FAM178B: variants seen among roughly 807,000 people sequenced by gnomAD.
FAM178B encodes family with sequence similarity 178 member B.
Under a neutral mutation model 91.7 loss-of-function variants are expected in FAM178B, and 82 were observed. That is an observed-to-expected ratio of 0.89 (90% confidence interval 0.75 to 1.07). The LOEUF (loss-of-function observed/expected upper bound fraction) is 1.07. FAM178B is among the 50% of genes least tolerant of loss of function. The probability of loss-of-function intolerance (pLI) is 0.00; values close to 1 mark genes in which losing one functional copy is unlikely to be tolerated. For missense variants in FAM178B, 769 were observed against 846.7 expected (o/e 0.91, Z 1.14); for synonymous variants, 368 against 359.4 (o/e 1.02, Z -0.27).
intron 4 of FAM178B, 147 bp from the exon 5 acceptor site, chr2:96,967,774 G>T (rs1375205061): frequency 1.6e-6 from 1 of 608,294 alleles, no homozygotes. Flanking sequence ...CGCTCACACA[G>T]ATTTTTAAGG....
intron 1 of FAM178B, among the ~76,000 whole-genome samples, chr2:96,973,604 A>G (rs1233166627): frequency 6.6e-6 from 1 of 152,232 alleles, no homozygotes; most frequent in Non-Finnish European, 1.5e-5. Context: ...AGGAAATCGC[A>G]GTTTACAAAA....
intron 12 of FAM178B, among the ~76,000 whole-genome samples, chr2:96,903,601 G>T (rs917362887): frequency 6.6e-6 from 1 of 152,238 alleles, no homozygotes; most frequent in South Asian, 2.1e-4. Flanking sequence ...TTCCAGCAGG[G>T]CCGCCACTAC....
At chr2:96,923,117 C>T (rs775099925) in intron 10 of FAM178B, among the ~76,000 whole-genome samples, 3 of 152,096 alleles carry the variant, frequency 2.0e-5, no homozygotes, top group South Asian at 4.1e-4. Context: ...TACAGGTGTC[C>T]GCCACCATGC....
intron 5 of FAM178B, among the ~76,000 whole-genome samples, chr2:96,963,170 A>G (rs945479239): frequency 1.5e-4 from 23 of 152,228 alleles, no homozygotes; most frequent in African/African-American, 5.5e-4. Context: ...AAAACATCCA[A>G]GCCATGACTT....
intron 1 of FAM178B, among the ~76,000 whole-genome samples, chr2:96,977,099 G>A (rs2082298151): frequency 6.9e-6 from 1 of 145,924 alleles, no homozygotes; most frequent in Non-Finnish European, 1.5e-5. Flanking sequence ...GGACGCTGAA[G>A]CAGGAGAATT....
intron 1 of FAM178B, among the ~76,000 whole-genome samples, chr2:96,983,689 G>T (rs940087372): frequency 2.0e-5 from 3 of 152,040 alleles, no homozygotes; most frequent in Non-Finnish European, 4.4e-5. Context: ...CTAACAAAGC[G>T]CTGGGATTAC....
intron 6 of FAM178B, chr2:96,951,842 G>A (rs2081932799): frequency 5.3e-6 from 1 of 190,148 alleles, no homozygotes; most frequent in South Asian, 8.8e-5. Flanking sequence ...CCAACATGGT[G>A]AAACGCTGTC....
At position 96,952,970 on chromosome 2, in the gene FAM178B, A is replaced by AT. The variant is rs554600322; in HGVS notation, c.888-1487dup. ...CTCCTTCTCCTTTAAAAAGGACATC[A>AT]TTTTTTAATCTGCCAGGAACAGAAT... On this transcript the variant is annotated intron_variant, in intron 6 of 16. Transcript: ENST00000490605. Among the ~76,000 whole-genome samples the AT allele has an allele frequency of 4.0e-3, 604 of 152,164 alleles. 4 individuals are homozygous for AT. Among genetic ancestry groups the AT allele is most frequent in the Admixed American group, 8.2e-3 (125 of 15,270 alleles).
chr2:96,963,643 G>A (rs900257205), intron 5 of FAM178B, among the ~76,000 whole-genome samples: 1 of 152,152 alleles, frequency 6.6e-6, no homozygotes, highest in Admixed American at 6.5e-5. Context: ...CAGGAGGCAG[G>A]GGTCCTTCTA....
At chr2:96,948,015 T>C in intron 7 of FAM178B, 113 bp from the exon 8 acceptor site, 2 of 629,954 alleles carry the variant, frequency 3.2e-6, no homozygotes, top group Non-Finnish European at 2.9e-6. Context: ...TTAATTCTCA[T>C]AAGTCTGTGT....
At chr2:96,975,540 T>C (rs2082278010) in intron 1 of FAM178B, among the ~76,000 whole-genome samples, 1 of 152,220 alleles carries the variant, frequency 6.6e-6, no homozygotes, top group African/African-American at 2.4e-5. Context: ...TCCATCACCT[T>C]AAATGCTTGT....
intron 14 of FAM178B, among the ~76,000 whole-genome samples, chr2:96,889,508 A>G (rs931282713): frequency 4.6e-5 from 7 of 151,484 alleles, no homozygotes; most frequent in African/African-American, 1.7e-4. Context: ...GTGAAACCCC[A>G]TCTCTACAAA....
chr2:96,889,167 G>A (rs2080603233), intron 14 of FAM178B, among the ~76,000 whole-genome samples: 1 of 152,192 alleles, frequency 6.6e-6, no homozygotes, highest in African/African-American at 2.4e-5. Context: ...CTGGGGAGAT[G>A]GGGACCAGGC....
intron 13 of FAM178B, among the ~76,000 whole-genome samples, chr2:96,901,700 TGAAA>T (rs2080936195): frequency 6.6e-6 from 1 of 152,082 alleles, no homozygotes; most frequent in Non-Finnish European, 1.5e-5. Context: ...TTTGGGAAGT[TGAAA>T]GAGTTATGGA....
At chr2:96,894,097 A>C in intron 13 of FAM178B, 46 bp from the exon 14 acceptor site, 1 of 1,565,970 alleles carries the variant, frequency 6.4e-7, no homozygotes, top group East Asian at 2.4e-5. Context: ...GTGGTGGCCA[A>C]GAGCTCAGGG....
At chr2:96,921,742 C>A in intron 10 of FAM178B, 88 bp from the exon 11 acceptor site, 1 of 1,340,250 alleles carries the variant, frequency 7.5e-7, no homozygotes. Context: ...GACACTTAGG[C>A]AGAAGGGATG....
Position 96,877,988 on chromosome 2 carries a change from G to A in FAM178B, c.1909C>T (p.Arg637Trp), listed in dbSNP as rs371471695. 4.8e-5 allele frequency: 78 copies of A among 1,613,254 alleles called. 1 individual carries two copies. In the African/African-American group the frequency reaches 6.5e-4, roughly 14 times the overall value. ...CGGTGCATGGCCTGGGGGCTCTCCC[G>A]GATCTGCGTGCTGATGTGGCGGTCC... ...QLDRHISTQIRESPQAMHRTM... is the reference protein window; with the variant it reads ...QLDRHISTQIWESPQAMHRTM... The change falls in exon 16 of 17, where the codon CGG (arginine) becomes TGG (tryptophan). Residue 637 changes from arginine (R) to tryptophan (W), a missense_variant. By Grantham distance (101) the Arg-to-Trp change is moderately radical. Coordinates refer to ENST00000490605, the MANE Select transcript of FAM178B (RefSeq NM_001122646.3).
At chr2:96,893,786 C>A in intron 14 of FAM178B, 140 bp downstream of exon 14, 1 of 1,045,814 alleles carries the variant, frequency 9.6e-7, no homozygotes. Context: ...AGGGAGGCAG[C>A]CTGTTGGTCT....
At chr2:96,945,381 T>C (rs962208170) in intron 8 of FAM178B, among the ~76,000 whole-genome samples, 10 of 150,386 alleles carry the variant, frequency 6.6e-5, no homozygotes, top group Admixed American at 6.6e-4. Flanking sequence ...CCTCAACTCT[T>C]TCCTTACTCA....
Sources: gnomAD v4.1 joint callset for allele counts (sites outside exome capture counted in the v4.1 genomes callset) on GRCh38, gnomAD v4.1.1 for gene constraint, MANE v1.5 for transcripts, NCBI Gene and HGNC (gene_info 2026-07-23, HGNC 2026-07-21) for gene names.